Variants in TGOLN2 observed in about 807,000 individuals in gnomAD.
The protein encoded by TGOLN2 is trans-Golgi network integral membrane protein 2.
Under a neutral mutation model 31.3 loss-of-function variants are expected in TGOLN2, and 19 were observed. The ratio of observed to expected loss-of-function variants is 0.61; its 90% CI spans 0.42 to 0.89. TGOLN2 has a LOEUF of 0.89. Among genes scored for constraint, TGOLN2 ranks in the 40% least tolerant of loss-of-function variants. TGOLN2 has a pLI of 0.00. For missense variants in TGOLN2, 540 were observed against 559.2 expected, an observed-to-expected ratio of 0.97 and a Z score of 0.35; for synonymous variants, 222 against 226.7, an observed-to-expected ratio of 0.98 and a Z score of 0.19.
rs1435899147 is a variant in TGOLN2 at position 85,326,363 on chromosome 2, G to A, written c.1224+145C>T. The A allele has an allele frequency of 1.0e-5, 7 of 698,548 alleles. No individual in the cohort carries two copies. In the East Asian group the frequency reaches 1.4e-4, roughly 13 times the overall value. 43.3% of individuals were successfully genotyped at this position (698,548 alleles called of 1,614,324 possible). On this transcript the variant is annotated intron_variant, in intron 2 of 3. Transcript: ENST00000377386. Reference sequence around the variant, plus strand: ...CGATTAACAAAACAAGAGTAAAGAGGCCTAATAGGGCCTGAGGAAAAAACT... The same window carrying A: ...CGATTAACAAAACAAGAGTAAAGAGACCTAATAGGGCCTGAGGAAAAAACT...
Position 85,326,019 on chromosome 2 carries a change from T to A in TGOLN2, c.1224+489A>T, listed in dbSNP as rs576533196. 5.9e-5 allele frequency among the ~76,000 whole-genome samples: 9 copies of A among 152,310 alleles called. No homozygotes were observed. The South Asian group carries it at 1.7e-3, about 28-fold the overall frequency. ...TTTCTGGGCTTTCTTCTAATTATTA[T>A]TAATTGCAGAAGTCCCTGGGCTCTT... On this transcript the variant is annotated intron_variant, in intron 2 of 3. Coordinates refer to ENST00000377386, the MANE Select transcript of TGOLN2 (RefSeq NM_006464.4).
Position 85,326,571 on chromosome 2 carries a change from T to C in TGOLN2, c.1161A>G (p.Ala387=), listed in dbSNP as rs547322067. 60 of 1,613,932 alleles carry C rather than the reference T, an allele frequency of 3.7e-5. No homozygotes were observed. Among genetic ancestry groups the C allele is most frequent in the South Asian group, 3.2e-4 (29 of 91,072 alleles). ...CAAGAATGGCTGCAGTCACCAGATA[T>C]GCAAAGAAGTGGCTGCTCTCCGCGC... ...NGSAESSHFF[A]YLVTAAILVA... The change falls in exon 2 of 4, where the codon GCA becomes GCG. Residue 387 remains alanine (A), a synonymous_variant. Coordinates refer to ENST00000377386, the MANE Select transcript of TGOLN2 (RefSeq NM_006464.4).
rs1310529928 is a variant in TGOLN2, at chr2:85,326,528, C to A, written c.1204G>T (p.Ala402Ser). Residue 402 changes from alanine to serine, a missense_variant, in exon 2 of 4, where the codon GCT becomes TCT. Coordinates refer to ENST00000377386, the MANE Select transcript of TGOLN2 (RefSeq NM_006464.4). ...AAILVAVLYI[A>S]HHNKRKIIAF... Reference sequence around the variant, plus strand: ...CTTACCTTCCGCTTGTTGTGATGAGCGATATAGAGGACAGCCACAAGAATG... The same window carrying A: ...CTTACCTTCCGCTTGTTGTGATGAGAGATATAGAGGACAGCCACAAGAATG... 3.1e-6 allele frequency: 5 copies of A among 1,613,338 alleles called. No homozygotes were observed. The highest frequency in any genetic ancestry group is 3.3e-5 in the Admixed American group (2 of 59,980).
Position 85,327,899 on chromosome 2 carries a change from CGGGAT to C in TGOLN2, c.46+13_46+17del. 1 of 1,593,736 alleles carries C rather than the reference CGGGAT, an allele frequency of 6.3e-7. No homozygotes were observed. Among genetic ancestry groups the C allele is most frequent in the South Asian group, 1.1e-5 (1 of 88,224 alleles). On this transcript the variant is annotated intron_variant, in intron 1 of 3. Transcript: ENST00000377386. ...GGGATCTGGGGGCAAGAGTGGGATG[CGGGAT>C]GGAGGGTCTTACCCGCCGCTGCGAC...
At chr2:85,323,972 C>G (rs374277573) in intron 3 of TGOLN2, among the ~76,000 whole-genome samples, 1 of 152,230 alleles carries the variant, frequency 6.6e-6, no homozygotes, top group Admixed American at 6.5e-5. Context: ...ATTGGCTGTA[C>G]TCAGGAACTC....
In TGOLN2 at chr2:85,322,520, C is replaced by G. The variant is rs1387442595; in HGVS notation, c.*216G>C. 1 of 916,154 alleles carries G rather than the reference C, an allele frequency of 1.1e-6. No individual in the cohort carries two copies. Among genetic ancestry groups the G allele is most frequent in the African/African-American group, 1.7e-5 (1 of 58,198 alleles). The allele number at this position is 916,154 out of a possible 1,614,324, so 56.8% of individuals were successfully genotyped here. ...GTCACCAAAGTGCAGGTGCAAAGCC[C>G]AAAGCAGCCCCCTACCTCTGCCAGC... is the stretch of plus-strand genomic sequence containing the variant. On this transcript the variant is annotated 3_prime_UTR_variant, in exon 4 of 4. Coordinates refer to ENST00000377386, the MANE Select transcript of TGOLN2 (RefSeq NM_006464.4).
Position 85,327,919 on chromosome 2 carries a change from G to A in TGOLN2, c.44C>T (p.Ala15Val). The A allele has an allele frequency of 1.2e-6, 2 of 1,602,898 alleles. No homozygotes were observed. The highest frequency in any genetic ancestry group is 1.7e-6 in the Non-Finnish European group (2 of 1,175,252). The change falls in exon 1 of 4, where the codon GCG (alanine) becomes GTG (valine). Residue 15 changes from alanine (A) to valine (V), a missense_variant and splice_region_variant. Ala to Val is a moderately conservative substitution (Grantham distance 64). Coordinates refer to ENST00000377386, the MANE Select transcript of TGOLN2 (RefSeq NM_006464.4). ...VALVLLNVAAAGAVPLLATES... is the reference protein window; with the variant it reads ...VALVLLNVAAVGAVPLLATES... The stretch of plus-strand genomic sequence containing the variant: ...GGATGCGGGATGGAGGGTCTTACCC[G>A]CCGCTGCGACGTTCAGGAGGACCAA...
At position 85,319,881 on chromosome 2, in the gene TGOLN2, A is replaced by G. The variant is rs1001651469; in HGVS notation, c.*2855T>C. On this transcript the variant is annotated 3_prime_UTR_variant, in exon 4 of 4. Transcript: ENST00000377386. ...GTTTTCTTAGGGAGACCAGAAAGAC[A>G]TCAGATCCTGACTGCCCTGTTTTGC... 6.6e-6 allele frequency: 1 copy of G among 152,330 alleles called. No individual in the cohort carries two copies. The highest frequency in any genetic ancestry group is 1.5e-5 in the Non-Finnish European group (1 of 68,102). 9.4% of individuals were successfully genotyped at this position (152,330 alleles called of 1,614,324 possible).
At position 85,324,864 on chromosome 2, in the gene TGOLN2, C is replaced by T. The variant is rs147883615; in HGVS notation, c.1308+51G>A. On this transcript the variant is annotated intron_variant, in intron 3 of 3. Transcript: ENST00000377386. ...CAAGCCCACTACTGGGTCCATCTGA[C>T]GTTGCCTATCCCTCCTATCCCTCCC... The T allele has an allele frequency of 6.8e-4, 1,016 of 1,495,206 alleles. 10 individuals are homozygous for T. In the South Asian group the frequency reaches 0.011, roughly 17 times the overall value. 92.6% of individuals were successfully genotyped at this position (1,495,206 alleles called of 1,614,324 possible). A position where few individuals can be genotyped will look rare whatever the true frequency, so the allele number is the denominator to read the frequency against.
Position 85,326,792 on chromosome 2 carries a change from A to G in TGOLN2, c.940T>C (p.Ser314Pro), listed in dbSNP as rs1312457055. The G allele has an allele frequency of 1.2e-6, 2 of 1,613,838 alleles. No individual in the cohort carries two copies. Among genetic ancestry groups the G allele is most frequent in the Non-Finnish European group, 1.7e-6 (2 of 1,179,890 alleles). ...TCCACATCCTCAGTAGGCTCTGAAG[A>G]CTTAACTTCCTCCTGCGGGGGAGAA... ...LISPPQEEVK[S>P]SEPTEDVEPK... Residue 314 changes from serine (S) to proline (P), a missense_variant, in exon 2 of 4, where the codon TCT becomes CCT. By Grantham distance (74) the Ser-to-Pro change is moderately conservative (BLOSUM62 -1). Coordinates refer to ENST00000377386, the MANE Select transcript of TGOLN2 (RefSeq NM_006464.4).
chr2:85,324,072 T>C (rs1682644243), intron 3 of TGOLN2, among the ~76,000 whole-genome samples: 1 of 152,144 alleles, frequency 6.6e-6, no homozygotes, highest in Non-Finnish European at 1.5e-5. Context: ...AGTCTAGCAC[T>C]TTACCACACA....
In TGOLN2 at chr2:85,327,561, A is replaced by T. The variant is rs754006343; in HGVS notation, c.171T>A (p.His57Gln). 1 of 1,613,912 alleles carries T rather than the reference A, an allele frequency of 6.2e-7. No homozygotes were observed. ...TGTCTTTTGGAGTCTGCGGCTCCGG[A>T]TGCGACTTGGTAGAGCCTCCAGGCC... ...SQRPGGSTKS[H>Q]PEPQTPKDSP... The change falls in exon 2 of 4, where the codon CAT (histidine) becomes CAA (glutamine). Residue 57 changes from histidine (H) to glutamine (Q), a missense_variant. Transcript: ENST00000377386.
chr2:85,323,183 A>T (rs530272034), intron 3 of TGOLN2, among the ~76,000 whole-genome samples: 27 of 152,248 alleles, frequency 1.8e-4, no homozygotes, highest in East Asian at 1.9e-4. Context: ...GGCCAGACTG[A>T]TCTAGAACTC....
In TGOLN2 at chr2:85,319,399, A is replaced by C. The variant is rs944894927; in HGVS notation, c.*3337T>G. 6.6e-6 allele frequency: 1 copy of C among 151,848 alleles called. No individual in the cohort carries two copies. The highest frequency in any genetic ancestry group is 1.5e-5 in the Non-Finnish European group (1 of 67,982). 9.4% of individuals were successfully genotyped at this position (151,848 alleles called of 1,614,324 possible). A position where few individuals can be genotyped will look rare whatever the true frequency, so the allele number is the denominator to read the frequency against. On this transcript the variant is annotated 3_prime_UTR_variant, in exon 4 of 4. Coordinates refer to ENST00000377386, the MANE Select transcript of TGOLN2 (RefSeq NM_006464.4). ...CACCATGTTGGCCAGGATGGTCTCG[A>C]TCTCTTGACCTCGTGATCCCCCCGC... is the stretch of plus-strand genomic sequence containing the variant.
rs1682801734 is a variant in TGOLN2, at chr2:85,327,664, G to C, written c.68C>G (p.Thr23Ser). ...AGCTTCTTCTTGCTTGACGCTTTCGGTGGCCAAGAGCGGCACGGCTCCTGA... is the reference window on the plus strand; with the variant it reads ...AGCTTCTTCTTGCTTGACGCTTTCGCTGGCCAAGAGCGGCACGGCTCCTGA... The part of the protein sequence containing the change: ...AAAGAVPLLA[T>S]ESVKQEEAGV... Residue 23 changes from threonine (T) to serine (S), a missense_variant, in exon 2 of 4, where the codon ACC (threonine) becomes AGC (serine). Transcript: ENST00000377386. The C allele has an allele frequency of 6.2e-7, 1 of 1,612,510 alleles. No individual in the cohort carries two copies. The highest frequency in any genetic ancestry group is 1.7e-5 in the Admixed American group (1 of 59,860).
chr2:85,324,334 C>T (rs1377406824), intron 3 of TGOLN2: 4 of 152,228 alleles, frequency 2.6e-5, no homozygotes, highest in East Asian at 1.9e-4. Flanking sequence ...GCAGAAGAAT[C>T]GCTTGAACCC....
rs1367749444 is a variant in TGOLN2, at chr2:85,320,450, T to C, written c.*2286A>G. 6.6e-6 allele frequency: 1 copy of C among 151,954 alleles called. No homozygotes were observed. Among genetic ancestry groups the C allele is most frequent in the African/African-American group, 2.4e-5 (1 of 41,360 alleles). The allele number at this position is 151,954 out of a possible 1,614,324, so 9.4% of individuals were successfully genotyped here. A position where few individuals can be genotyped will look rare whatever the true frequency, so the allele number is the denominator to read the frequency against. ...AAAGACTGTAGCTGAGGATCTTTTA[T>C]TAAAAAAAAATGGATGGGACTTTGG... is the stretch of plus-strand genomic sequence containing the variant. On this transcript the variant is annotated 3_prime_UTR_variant, in exon 4 of 4. Coordinates refer to ENST00000377386, the MANE Select transcript of TGOLN2 (RefSeq NM_006464.4).
Position 85,319,664 on chromosome 2 carries a change from C to G in TGOLN2, c.*3072G>C, listed in dbSNP as rs541074513. ...TCCTGCTCTCCTCTTTAAGAGCAAA[C>G]CCCAACATGTATAAGGTCACAGCAA... On this transcript the variant is annotated 3_prime_UTR_variant, in exon 4 of 4. Coordinates refer to ENST00000377386, the MANE Select transcript of TGOLN2 (RefSeq NM_006464.4). The G allele has an allele frequency of 2.0e-5, 3 of 152,248 alleles. No individual in the cohort carries two copies. The highest frequency in any genetic ancestry group is 7.2e-5 in the African/African-American group (3 of 41,542). The allele number at this position is 152,248 out of a possible 1,614,324, so 9.4% of individuals were successfully genotyped here.
rs1682586573 is a variant in TGOLN2 at position 85,322,636 on chromosome 2, G to A, written c.*100C>T. 6.3e-7 allele frequency: 1 copy of A among 1,582,576 alleles called. No individual in the cohort carries two copies. Among genetic ancestry groups the A allele is most frequent in the African/African-American group, 1.4e-5 (1 of 73,434 alleles). On this transcript the variant is annotated 3_prime_UTR_variant, in exon 4 of 4. Coordinates refer to ENST00000377386, the MANE Select transcript of TGOLN2 (RefSeq NM_006464.4). ...TTTTGATTTAGAAACAAATCAGCAG[G>A]GAGGACAAGGTTCTCAAGGACAAAA...
Sources: allele counts gnomAD v4.1 joint callset (sites outside exome capture counted in the v4.1 genomes callset), GRCh38; gene constraint gnomAD v4.1.1; transcripts MANE v1.5; gene names NCBI Gene and HGNC (gene_info 2026-07-23, HGNC 2026-07-21).